Variants in RTN4 observed in about 807,000 individuals in gnomAD.
The protein encoded by RTN4 is reticulon-4.
In RTN4, 32 loss-of-function variants were observed where a neutral mutation model predicts 90.4. The ratio of observed to expected loss-of-function variants is 0.35; its 90% CI spans 0.27 to 0.48. The LOEUF is 0.48. Ranked by LOEUF, RTN4 falls within the 20% of genes least tolerant of loss-of-function variation. The pLI is 0.99. For synonymous variants in RTN4, 629 were observed against 552.5 expected, an observed-to-expected ratio of 1.14 and a Z score of -1.94; for missense variants, 1,706 against 1,430.2, an observed-to-expected ratio of 1.19 and a Z score of -3.11.
chr2:55,069,022 A>C (rs959150047), intron 2 of RTN4, among the ~76,000 whole-genome samples: 4 of 152,244 alleles, frequency 2.6e-5, no homozygotes, highest in African/African-American at 7.2e-5. Context: ...TCATCAGTGC[A>C]AAATTAGAGA....
intron 1 of RTN4, among the ~76,000 whole-genome samples, chr2:55,041,383 G>A (rs1251103993): frequency 1.3e-5 from 2 of 151,588 alleles, no homozygotes; most frequent in Non-Finnish European, 2.9e-5. Context: ...AGAGGGAGAG[G>A]GGACAAGATA....
At chr2:55,098,076 A>C (rs1207047077) in intron 1 of RTN4, among the ~76,000 whole-genome samples, 2 of 152,048 alleles carry the variant, frequency 1.3e-5, no homozygotes, top group African/African-American at 2.4e-5. Context: ...TAACCTCTGC[A>C]CTGTGCTACG....
chr2:55,055,933 A>G (rs773545215), intron 2 of RTN4, among the ~76,000 whole-genome samples: 12 of 151,852 alleles, frequency 7.9e-5, no homozygotes, highest in Non-Finnish European at 1.8e-4. Context: ...ATACATGTAT[A>G]TACATATATG....
At chr2:54,988,438 T>A (rs181226959) in intron 3 of RTN4, among the ~76,000 whole-genome samples, 1 of 152,210 alleles carries the variant, frequency 6.6e-6, no homozygotes, top group Non-Finnish European at 1.5e-5. Flanking sequence ...ACTTCAGTGA[T>A]ACCAAAATAT....
chr2:55,091,177 G>C (rs1359695298), intron 1 of RTN4, among the ~76,000 whole-genome samples: 3 of 152,188 alleles, frequency 2.0e-5, no homozygotes, highest in Non-Finnish European at 4.4e-5. Context: ...AAATCGGACA[G>C]TATGGCTCCA....
rs371477279 is a variant in RTN4 at position 55,050,046 on chromosome 2, G to C, written c.255C>G (p.Phe85Leu). ...GGGGTCCCCGGGGCGCCGGCGGCAC[G>C]AAGTCATTTCCGAAGTCCATCAGGG... ...GAPLMDFGND[F>L]VPPAPRGPLP... Residue 85 changes from phenylalanine (F) to leucine (L), a missense_variant, in exon 1 of 9, where the codon TTC becomes TTG. By Grantham distance (22) the Phe-to-Leu change is conservative (BLOSUM62 0). Transcript: ENST00000337526. This position sits in a 1 kb window ranked among gnomAD's most constrained non-coding sequence, Gnocchi z 4.6. 4.2e-6 allele frequency: 6 copies of C among 1,413,750 alleles called. No individual in the cohort carries two copies. Among genetic ancestry groups the C allele is most frequent in the Non-Finnish European group, 4.6e-6 (5 of 1,090,786 alleles). The allele number at this position is 1,413,750 out of a possible 1,614,324, so 87.6% of individuals were successfully genotyped here.
At chr2:55,077,220 A>C (rs1186209197) in intron 2 of RTN4, among the ~76,000 whole-genome samples, 3 of 151,790 alleles carry the variant, frequency 2.0e-5, no homozygotes, top group Non-Finnish European at 4.4e-5. Context: ...TCACCGTGTT[A>C]GCCAGGATGG....
intron 1 of RTN4, among the ~76,000 whole-genome samples, chr2:55,100,713 T>C (rs559216853): frequency 2.6e-4 from 40 of 152,310 alleles, no homozygotes; most frequent in African/African-American, 9.6e-4. Flanking sequence ...TATACTTGCA[T>C]TACTGACATA....
chr2:55,095,305 C>T (rs910351475), intron 1 of RTN4, among the ~76,000 whole-genome samples: 4 of 151,154 alleles, frequency 2.6e-5, no homozygotes, highest in African/African-American at 9.7e-5. Context: ...GTCTGGGCGA[C>T]AGAGTGAGAT....
intron 2 of RTN4, among the ~76,000 whole-genome samples, chr2:55,076,637 T>A (rs1304768831): frequency 6.6e-6 from 1 of 152,094 alleles, no homozygotes; most frequent in Non-Finnish European, 1.5e-5. Flanking sequence ...TGACCTCAGA[T>A]GATCTGCCTG....
chr2:55,127,986 C>T, the RTN4 span, among the ~76,000 whole-genome samples: 1 of 151,886 alleles, frequency 6.6e-6, no homozygotes, highest in Admixed American at 6.6e-5. Context: ...CATCATGGCT[C>T]ATTGCAGTCT....
At chr2:55,032,105 G>A (rs1465735373) in intron 1 of RTN4, among the ~76,000 whole-genome samples, 1 of 151,640 alleles carries the variant, frequency 6.6e-6, no homozygotes, top group African/African-American at 2.4e-5. Flanking sequence ...TTTTGAGGCG[G>A]AGTCTTGCTC....
intron 3 of RTN4, among the ~76,000 whole-genome samples, chr2:55,007,479 C>T (rs1370157964): frequency 6.6e-6 from 1 of 152,072 alleles, no homozygotes; most frequent in Non-Finnish European, 1.5e-5. Flanking sequence ...GTATCTCTTC[C>T]ATAAAACCAG....
intron 1 of RTN4, among the ~76,000 whole-genome samples, chr2:55,033,094 T>C (rs1682442116): frequency 1.4e-5 from 2 of 142,078 alleles, no homozygotes; most frequent in African/African-American, 5.2e-5. Context: ...TGGACAGAAG[T>C]TGGCATTTTG....
intron 1 of RTN4, among the ~76,000 whole-genome samples, chr2:55,045,070 A>T (rs1683330637): frequency 6.6e-6 from 1 of 152,180 alleles, no homozygotes; most frequent in African/African-American, 2.4e-5. Flanking sequence ...TCAAAATCTT[A>T]AAATTTCTAA....
At chr2:55,104,481 T>C (rs1667907761) in intron 1 of RTN4, among the ~76,000 whole-genome samples, 3 of 151,840 alleles carry the variant, frequency 2.0e-5, no homozygotes, top group Non-Finnish European at 4.4e-5. Flanking sequence ...CTCCCGAGTA[T>C]CTGGGACTAC....
chr2:55,113,847 A>C (rs1668079215), upstream of RTN4, among the ~76,000 whole-genome samples: 1 of 152,148 alleles, frequency 6.6e-6, no homozygotes, highest in Non-Finnish European at 1.5e-5. Flanking sequence ...GGTGCCAAAC[A>C]CAGGCCCTTC....
At chr2:55,061,896 C>G (rs913825936) in intron 2 of RTN4, among the ~76,000 whole-genome samples, 14 of 152,114 alleles carry the variant, frequency 9.2e-5, no homozygotes, top group Admixed American at 9.2e-4. Context: ...TGCCACGCCC[C>G]CATCCTGTGC....
At chr2:54,981,097 G>C (rs949120759) in intron 5 of RTN4, among the ~76,000 whole-genome samples, 6 of 152,128 alleles carry the variant, frequency 3.9e-5, no homozygotes, top group Non-Finnish European at 8.8e-5. Context: ...CTATACGAAA[G>C]AGGTAAGTAA....
Sources: gnomAD v4.1 joint callset for allele counts (sites outside exome capture counted in the v4.1 genomes callset) on GRCh38, gnomAD v4.1.1 for gene constraint, Gnocchi (gnomAD v3.1) non-coding constraint, MANE v1.5 for transcripts, NCBI Gene and HGNC (gene_info 2026-07-23, HGNC 2026-07-21) for gene names.